The following FKBP10 variants were observed in gnomAD, a reference collection of about 807,000 sequenced individuals.
FKBP10 encodes FKBP prolyl isomerase 10.
Under a neutral mutation model 53.7 loss-of-function variants are expected in FKBP10, and 34 were observed. The ratio of observed to expected loss-of-function variants is 0.63; its 90% CI spans 0.48 to 0.84. The LOEUF is 0.84. FKBP10 is among the 40% of genes least tolerant of loss of function. The pLI, the probability that FKBP10 is intolerant of heterozygous loss-of-function variation, is 0.00. For synonymous variants in FKBP10, 324 were observed against 335.7 expected (o/e 0.97, Z 0.38); for missense variants, 748 against 797.8 (o/e 0.94, Z 0.75).
intron 4 of FKBP10, chr17:41,818,782 C>T (rs969660843): frequency 4.6e-5 from 22 of 479,514 alleles, no homozygotes; most frequent in South Asian, 3.1e-4. Flanking sequence ...GGTGAAACCC[C>T]GTCTCTACTA....
chr17:41,813,108 A>G lies in FKBP10; in HGVS notation c.74A>G (p.Gln25Arg), dbSNP rs1445402023. 1 of 1,611,132 alleles carries G rather than the reference A, an allele frequency of 6.2e-7. No individual in the cohort carries two copies. The highest frequency in any genetic ancestry group is 8.5e-7 in the Non-Finnish European group (1 of 1,179,700). Residue 25 changes from glutamine (Q) to arginine (R), a missense_variant, in exon 1 of 10, where the codon CAG (glutamine) becomes CGG (arginine). Gln to Arg is a conservative substitution (Grantham distance 43, BLOSUM62 1). Transcript: ENST00000321562. Reference protein sequence around the residue: ...PLLQLLLLVVQAVGRGLGRAS... With the variant: ...PLLQLLLLVVRAVGRGLGRAS... ...CTGCAGTTGCTGCTACTGGTGGTGC[A>G]GGCCGTGGGGAGGGGGCTGGGCCGC...
intron 4 of FKBP10, chr17:41,818,817 G>A (rs1275962748): frequency 3.0e-5 from 13 of 432,192 alleles, no homozygotes; most frequent in African/African-American, 4.4e-5. Context: ...TTAGCCGGGC[G>A]TGGTGGGGGC....
rs199570677 is a variant in FKBP10, at chr17:41,819,715, G to T, written c.1063+40G>T. Reference sequence around the variant, plus strand: ...CAGCCACCACCTCAGCTCCTCCTCCGAACTGCCCATTGTGTCTAGGCCACC... The same window carrying T: ...CAGCCACCACCTCAGCTCCTCCTCCTAACTGCCCATTGTGTCTAGGCCACC... On this transcript the variant is annotated intron_variant, in intron 6 of 9. Coordinates refer to ENST00000321562, the MANE Select transcript of FKBP10 (RefSeq NM_021939.4). 7 of 1,574,812 alleles carry T rather than the reference G, an allele frequency of 4.4e-6. No homozygotes were observed. In the African/African-American group the frequency reaches 5.4e-5, roughly 12 times the overall value.
In FKBP10 at chr17:41,821,823, T is replaced by C; in HGVS notation, c.1563+6T>C. The C allele has an allele frequency of 6.2e-7, 1 of 1,613,890 alleles. No individual in the cohort carries two copies. The highest frequency in any genetic ancestry group is 8.5e-7 in the Non-Finnish European group (1 of 1,179,954). On this transcript the variant is annotated splice_donor_region_variant and intron_variant, in intron 9 of 9. Coordinates refer to ENST00000321562, the MANE Select transcript of FKBP10 (RefSeq NM_021939.4). ...GCGAGGTCCCTCCGGAGGAGGTGGG[T>C]GAAGGTTCAGTCCTAATAGCCATGC...
intron 1 of FKBP10, among the ~76,000 whole-genome samples, chr17:41,815,187 G>A (rs1277874963): frequency 6.6e-6 from 1 of 152,218 alleles, no homozygotes; most frequent in Non-Finnish European, 1.5e-5. Flanking sequence ...GGACCTGGGG[G>A]TAGGGCATGG....
chr17:41,820,932 T>A lies in FKBP10; in HGVS notation c.1257-15T>A. Reference sequence around the variant, plus strand: ...GACAGGGTGGCTGCTGACCTGGGCATCTGCTCTCCCCCAGGCATGACTACG... The same window carrying A: ...GACAGGGTGGCTGCTGACCTGGGCAACTGCTCTCCCCCAGGCATGACTACG... On this transcript the variant is annotated splice_polypyrimidine_tract_variant and intron_variant, in intron 7 of 9. Coordinates refer to ENST00000321562, the MANE Select transcript of FKBP10 (RefSeq NM_021939.4). 1 of 1,610,354 alleles carries A rather than the reference T, an allele frequency of 6.2e-7. No homozygotes were observed. The highest frequency in any genetic ancestry group is 8.5e-7 in the Non-Finnish European group (1 of 1,178,824).
At position 41,819,576 on chromosome 17, in the gene FKBP10, A is replaced by C. The variant is rs782177446; in HGVS notation, c.964A>C (p.Ile322Leu). 6.8e-6 allele frequency: 11 copies of C among 1,614,066 alleles called. No individual in the cohort carries two copies. The highest frequency in any genetic ancestry group is 9.3e-6 in the Non-Finnish European group (11 of 1,179,996). The change falls in exon 6 of 10, where the codon ATC becomes CTC. Residue 322 changes from isoleucine (I) to leucine (L), a missense_variant. Coordinates refer to ENST00000321562, the MANE Select transcript of FKBP10 (RefSeq NM_021939.4). ...CAATACCTATATCGGGCAGGGTTAC[A>C]TCATCCCCGGGATGGACCAGGGGCT... ...TYNTYIGQGY[I>L]IPGMDQGLQG...
chr17:41,822,426 C>G lies in FKBP10; in HGVS notation c.*18C>G, dbSNP rs2047904820. 1 of 1,587,592 alleles carries G rather than the reference C, an allele frequency of 6.3e-7. No individual in the cohort carries two copies. Among genetic ancestry groups the G allele is most frequent in the East Asian group, 2.3e-5 (1 of 43,798 alleles). ...AGCTCTGAGGGGCAGGGAGCCTGGC[C>G]AGGCCTGAGACACAGAGGCCCACTG... is the stretch of plus-strand genomic sequence containing the variant. On this transcript the variant is annotated 3_prime_UTR_variant, in exon 10 of 10. Transcript: ENST00000321562.
chr17:41,822,644 G>A lies in FKBP10; in HGVS notation c.*236G>A. 2 of 586,712 alleles carry A rather than the reference G, an allele frequency of 3.4e-6. No homozygotes were observed. Among genetic ancestry groups the A allele is most frequent in the Non-Finnish European group, 6.0e-6 (2 of 331,898 alleles). The allele number at this position is 586,712 out of a possible 1,614,324, so 36.3% of individuals were successfully genotyped here. On this transcript the variant is annotated 3_prime_UTR_variant, in exon 10 of 10. Coordinates refer to ENST00000321562, the MANE Select transcript of FKBP10 (RefSeq NM_021939.4). Reference sequence around the variant, plus strand: ...CTAAACCACTTCCTTAAAATGTTTGGATTTGCAAAGCCAATTTGGGGCCTG... The same window carrying A: ...CTAAACCACTTCCTTAAAATGTTTGAATTTGCAAAGCCAATTTGGGGCCTG...
chr17:41,821,386 G>T (rs1461804956), intron 8 of FKBP10, among the ~76,000 whole-genome samples: 1 of 152,128 alleles, frequency 6.6e-6, no homozygotes, highest in Admixed American at 6.5e-5. Context: ...GCCTCCCAAA[G>T]TGCTGGGATT....
rs782310201 is a variant in FKBP10, at chr17:41,813,116, G to A, written c.82G>A (p.Gly28Arg). The A allele has an allele frequency of 1.2e-6, 2 of 1,611,482 alleles. No homozygotes were observed. Among genetic ancestry groups the A allele is most frequent in the Non-Finnish European group, 1.7e-6 (2 of 1,179,718 alleles). ...QLLLLVVQAV[G>R]RGLGRASPAG... Reference sequence around the variant, plus strand: ...GCTGCTACTGGTGGTGCAGGCCGTGGGGAGGGGGCTGGGCCGCGCCAGCCC... The same window carrying A: ...GCTGCTACTGGTGGTGCAGGCCGTGAGGAGGGGGCTGGGCCGCGCCAGCCC... Residue 28 changes from glycine (G) to arginine (R), a missense_variant, in exon 1 of 10, where the codon GGG becomes AGG. Transcript: ENST00000321562.
At chr17:41,821,253 G>A (rs1746081463) in intron 8 of FKBP10, among the ~76,000 whole-genome samples, 164 bp downstream of exon 8, 2 of 149,996 alleles carry the variant, frequency 1.3e-5, no homozygotes, top group Non-Finnish European at 2.9e-5. Context: ...CTCCCGAGTA[G>A]CTGGGATTAC....
intron 1 of FKBP10, among the ~76,000 whole-genome samples, chr17:41,815,378 C>T (rs1043507397): frequency 6.6e-6 from 1 of 152,148 alleles, no homozygotes; most frequent in East Asian, 1.9e-4. Context: ...AGGCTGGTCA[C>T]AAACTTCTGA....
intron 6 of FKBP10, chr17:41,819,892 G>A (rs1555616738): frequency 6.5e-7 from 1 of 1,543,548 alleles, no homozygotes; most frequent in South Asian, 1.2e-5. Context: ...TTCCGCAGTG[G>A]AGAAGGGCAG....
intron 6 of FKBP10, 160 bp from the exon 7 acceptor site, chr17:41,820,109 A>G (rs2047871622): frequency 1.6e-6 from 2 of 1,215,374 alleles, no homozygotes; most frequent in African/African-American, 3.0e-5. Flanking sequence ...TGCCCCAGTG[A>G]AAGTTTGTTA....
chr17:41,816,063 G>A (rs548850041), intron 1 of FKBP10, among the ~76,000 whole-genome samples: 43 of 150,992 alleles, frequency 2.8e-4, no homozygotes, highest in Non-Finnish European at 4.0e-4. Context: ...GCTTAAACCC[G>A]GGAGGTGGAG....
In FKBP10 at chr17:41,817,055, C is replaced by A. The variant is rs782567281; in HGVS notation, c.246-3C>A. 3.1e-6 allele frequency: 5 copies of A among 1,614,072 alleles called. No individual in the cohort carries two copies. Among genetic ancestry groups the A allele is most frequent in the South Asian group, 1.1e-5 (1 of 91,086 alleles). On this transcript the variant is annotated splice_region_variant and splice_polypyrimidine_tract_variant and intron_variant, in intron 1 of 9. Transcript: ENST00000321562. ...TGTATCCCATCTGTCCCTCCCCCCC[C>A]AGCTATGATCGCAACACCTTGGTGG...
chr17:41,816,508 T>G (rs1029939353), intron 1 of FKBP10, among the ~76,000 whole-genome samples: 6 of 152,078 alleles, frequency 3.9e-5, no homozygotes, highest in Non-Finnish European at 8.8e-5. Flanking sequence ...CTCCCGTCTT[T>G]TCTTGGAGAG....
intron 2 of FKBP10, 121 bp downstream of exon 2, chr17:41,817,324 A>T: frequency 7.5e-7 from 1 of 1,333,160 alleles, no homozygotes; most frequent in East Asian, 2.4e-5. Context: ...CACACTGTGC[A>T]CGCAGTATGA....
Sources: gnomAD v4.1 joint callset for allele counts (sites outside exome capture counted in the v4.1 genomes callset) on GRCh38, gnomAD v4.1.1 for gene constraint, MANE v1.5 for transcripts, NCBI Gene and HGNC (gene_info 2026-07-23, HGNC 2026-07-21) for gene names.